TANC2: variants seen among roughly 807,000 people sequenced by gnomAD.
TANC2 encodes the protein tetratricopeptide repeat, ankyrin repeat and coiled-coil containing 2, also known as protein TANC2.
Under a neutral mutation model 210.5 loss-of-function variants are expected in TANC2, and 26 were observed. That is an observed-to-expected ratio of 0.12 (90% CI 0.09 to 0.17). The LOEUF (loss-of-function observed/expected upper bound fraction) is 0.17, where lower values mean the gene tolerates loss of function less well. Among genes scored for constraint, TANC2 ranks in the 10% least tolerant of loss-of-function variants. The probability of loss-of-function intolerance (pLI) is 1.00; values close to 1 mark genes in which losing one functional copy is unlikely to be tolerated. For missense variants in TANC2, 2,129 were observed against 2,608.9 expected (o/e 0.82, Z 4.01); for synonymous variants, 931 against 967.1 (o/e 0.96, Z 0.69).
chr17:62,998,551 C>G lies in TANC2; in HGVS notation c.-23-10986C>G, dbSNP rs147235106. The stretch of plus-strand genomic sequence containing the variant: ...AAAGGGAACCCTGGTTAACAGCAGA[C>G]CTTTCAGCAGAAATTCTACAAGCAA... On this transcript the variant is annotated intron_variant, in intron 1 of 27. Coordinates refer to ENST00000689528, the Ensembl canonical transcript of TANC2. Among the ~76,000 whole-genome samples, 320 of 152,266 alleles carry G rather than the reference C, an allele frequency of 2.1e-3. 1 individual carries two copies. The highest frequency in any genetic ancestry group is 7.5e-3 in the African/African-American group (310 of 41,566).
At chr17:63,057,174 C>T (rs1385580740) in intron 2 of TANC2, among the ~76,000 whole-genome samples, 1 of 151,796 alleles carries the variant, frequency 6.6e-6, no homozygotes, top group Non-Finnish European at 1.5e-5. Context: ...GCATATATGC[C>T]ATTTTATCCA....
intron 25 of TANC2, among the ~76,000 whole-genome samples, chr17:63,414,873 A>G (rs990562567): frequency 1.2e-4 from 19 of 152,246 alleles, no homozygotes; most frequent in Non-Finnish European, 2.6e-4. Flanking sequence ...TAAATTGGTC[A>G]TAGATTTACT....
intron 4 of TANC2, among the ~76,000 whole-genome samples, chr17:63,099,642 G>T (rs947218881): frequency 6.6e-6 from 1 of 152,142 alleles, no homozygotes; most frequent in Non-Finnish European, 1.5e-5. Context: ...AGAATACACT[G>T]TTGTTCTGAT....
intron 8 of TANC2, among the ~76,000 whole-genome samples, chr17:63,249,786 C>A (rs1032138910): frequency 6.6e-6 from 1 of 152,208 alleles, no homozygotes; most frequent in Non-Finnish European, 1.5e-5. Flanking sequence ...AGAATGGCTT[C>A]TTGCCCAGGC....
rs570952750 is a variant in TANC2 at position 63,079,183 on chromosome 17, T to C, written c.139+5169T>C. Among the ~76,000 whole-genome samples, 15 of 152,290 alleles carry C rather than the reference T, an allele frequency of 9.8e-5. No homozygotes were observed. The East Asian group carries it at 2.5e-3, about 25-fold the overall frequency. On this transcript the variant is annotated intron_variant, in intron 3 of 27. Transcript: ENST00000689528. ...GTAAAAGAAGAAAAAGCCAGGGGAT[T>C]TCCCCCATTCACGCAGTCCCATATA...
intron 4 of TANC2, among the ~76,000 whole-genome samples, chr17:63,101,219 A>G (rs1048794545): frequency 1.3e-5 from 2 of 152,192 alleles, no homozygotes; most frequent in Non-Finnish European, 2.9e-5. Context: ...TTTTCTAATT[A>G]TATCTTGTTA....
At chr17:63,095,876 A>G (rs551650157) in intron 3 of TANC2, among the ~76,000 whole-genome samples, 2 of 152,336 alleles carry the variant, frequency 1.3e-5, no homozygotes, top group South Asian at 4.1e-4. Flanking sequence ...AATAGTTTTA[A>G]GCAGAAAAGT....
chr17:63,299,275 T>A (rs2146475844), intron 9 of TANC2, among the ~76,000 whole-genome samples: 1 of 152,336 alleles, frequency 6.6e-6, no homozygotes, highest in South Asian at 2.1e-4. Flanking sequence ...TCTATTCCTT[T>A]AGGTATATAC....
intron 4 of TANC2, among the ~76,000 whole-genome samples, chr17:63,100,743 C>G (rs2037590309): frequency 6.6e-6 from 1 of 152,126 alleles, no homozygotes; most frequent in Non-Finnish European, 1.5e-5. Flanking sequence ...ATACCGCTTT[C>G]CTATCCCATT....
At chr17:63,068,845 G>A (rs905282098) in intron 2 of TANC2, among the ~76,000 whole-genome samples, 2 of 151,974 alleles carry the variant, frequency 1.3e-5, no homozygotes, top group African/African-American at 4.8e-5. Context: ...AGTAAAAATG[G>A]CACATTGCTG....
At chr17:63,036,008 C>T (rs1187362058) in intron 2 of TANC2, among the ~76,000 whole-genome samples, 1 of 152,142 alleles carries the variant, frequency 6.6e-6, no homozygotes, top group Non-Finnish European at 1.5e-5. Context: ...GAAGTGTCAT[C>T]AGATCTTTTG....
intron 2 of TANC2, among the ~76,000 whole-genome samples, chr17:63,041,921 C>A (rs1430139199): frequency 1.3e-5 from 2 of 152,098 alleles, no homozygotes; most frequent in Non-Finnish European, 2.9e-5. Flanking sequence ...TTGGTGAGGG[C>A]ACATTGTTAT....
At chr17:63,143,616 C>A (rs1184702912) in intron 4 of TANC2, among the ~76,000 whole-genome samples, 3 of 152,166 alleles carry the variant, frequency 2.0e-5, no homozygotes, top group Non-Finnish European at 2.9e-5. Context: ...GAAATTGTTA[C>A]CTGCAGGTAA....
intron 4 of TANC2, among the ~76,000 whole-genome samples, chr17:63,134,980 G>A (rs1454894403): frequency 6.6e-6 from 1 of 152,192 alleles, no homozygotes; most frequent in Non-Finnish European, 1.5e-5. Context: ...AGTTTGGGAG[G>A]CCGAGGCAGG....
At position 63,223,876 on chromosome 17, in the gene TANC2, G is replaced by A. The variant is rs555485004; in HGVS notation, c.770-13938G>A. ...GCTGATCTCCTACCTCAACTTTAAA[G>A]TGGGTAGCTTTATGTTATGTGTATT... On this transcript the variant is annotated intron_variant, in intron 7 of 27. Coordinates refer to ENST00000689528, the Ensembl canonical transcript of TANC2. 5.3e-5 allele frequency among the ~76,000 whole-genome samples: 8 copies of A among 152,182 alleles called. No individual in the cohort carries two copies. The South Asian group carries it at 1.2e-3, about 24-fold the overall frequency.
chr17:63,255,453 T>C (rs371000424), intron 8 of TANC2, among the ~76,000 whole-genome samples: 1 of 152,180 alleles, frequency 6.6e-6, no homozygotes, highest in East Asian at 1.9e-4. Context: ...GATCCTGGGC[T>C]TTTCTTTGCT....
intron 12 of TANC2, among the ~76,000 whole-genome samples, chr17:63,347,094 T>C (rs2046439175): frequency 6.6e-6 from 1 of 152,212 alleles, no homozygotes; most frequent in Admixed American, 6.5e-5. Flanking sequence ...TGAAAACATA[T>C]GTCTACAAAA....
intron 9 of TANC2, among the ~76,000 whole-genome samples, chr17:63,274,686 C>T (rs1035721228): frequency 4.6e-5 from 7 of 151,990 alleles, no homozygotes; most frequent in African/African-American, 1.2e-4. Context: ...GGCATGGTGG[C>T]GTGGGCCCAT....
chr17:63,262,784 A>C (rs957573064), intron 8 of TANC2, among the ~76,000 whole-genome samples: 11 of 152,244 alleles, frequency 7.2e-5, no homozygotes, highest in Admixed American at 2.0e-4. Context: ...CTCAACCCCC[A>C]AAAAAGAAAG....
Sources: gnomAD v4.1 joint callset for allele counts (sites outside exome capture counted in the v4.1 genomes callset) on GRCh38, gnomAD v4.1.1 for gene constraint, MANE v1.5 for transcripts, NCBI Gene and HGNC (gene_info 2026-07-23, HGNC 2026-07-21) for gene names.